CDH23: variants seen among roughly 807,000 people sequenced by gnomAD.
The protein encoded by CDH23 is cadherin-23.
A neutral mutation model predicts 317.1 loss-of-function variants in CDH23; 189 were observed. The ratio of observed to expected loss-of-function variants is 0.60; its 90% CI spans 0.53 to 0.67. The LOEUF (loss-of-function observed/expected upper bound fraction) is 0.67, where lower values mean the gene tolerates loss of function less well. CDH23 is among the 30% of genes least tolerant of loss of function. The pLI is 0.00. For missense variants in CDH23, 4,401 were observed against 4,592.4 expected, an observed-to-expected ratio of 0.96 and a Z score of 1.20; for synonymous variants, 1,839 against 1,876.8, an observed-to-expected ratio of 0.98 and a Z score of 0.52.
intron 1 of CDH23, among the ~76,000 whole-genome samples, chr10:71,402,947 T>G (rs889376457): frequency 4.6e-5 from 7 of 151,994 alleles, no homozygotes; most frequent in African/African-American, 1.7e-4. Context: ...AAACCACGTC[T>G]CTACTAAAAA....
intron 3 of CDH23, among the ~76,000 whole-genome samples, chr10:71,461,357 T>C (rs189806253): frequency 6.6e-6 from 1 of 152,358 alleles, no homozygotes; most frequent in East Asian, 1.9e-4. Flanking sequence ...GGGCCAGTTC[T>C]ATGGGTGATG....
intron 63 of CDH23, 27 bp from the exon 64 acceptor site, chr10:71,811,484 G>A (rs745658571): frequency 1.1e-5 from 17 of 1,613,770 alleles, no homozygotes; most frequent in Admixed American, 6.7e-5. Context: ...CCCACTGCCC[G>A]GGCTTACCCT....
intron 9 of CDH23, among the ~76,000 whole-genome samples, chr10:71,603,053 G>A (rs949311266): frequency 8.5e-5 from 13 of 152,128 alleles, no homozygotes; most frequent in African/African-American, 2.7e-4. Context: ...TACCTGGTAC[G>A]GACAGGCCCA....
rs1847559041 is a variant in CDH23, at chr10:71,397,242, G to A, written c.-82G>A. The A allele has an allele frequency of 4.9e-6, 1 of 204,576 alleles. No homozygotes were observed. 12.7% of individuals were successfully genotyped at this position (204,576 alleles called of 1,614,324 possible). On this transcript the variant is annotated 5_prime_UTR_variant, in exon 1 of 70. Transcript: ENST00000224721. This position sits in a 1 kb window ranked among gnomAD's most constrained non-coding sequence, Gnocchi z 4.8. ...GGCGGTGGCCAGGGCCAGAGCAGGC[G>A]GCCCGCGGGGGCCGATCCGGCGGAG...
intron 1 of CDH23, among the ~76,000 whole-genome samples, chr10:71,418,129 A>T (rs1204371608): frequency 1.3e-5 from 2 of 152,128 alleles, no homozygotes; most frequent in African/African-American, 4.8e-5. Flanking sequence ...TATAATTTTT[A>T]AGCCCATATT....
Position 71,577,596 on chromosome 10 carries a change from G to A in CDH23, c.754-318G>A, listed in dbSNP as rs561719460. Among the ~76,000 whole-genome samples the A allele has an allele frequency of 3.3e-5, 5 of 152,334 alleles. No homozygotes were observed. The East Asian group carries it at 9.6e-4, about 29-fold the overall frequency. ...CAACGTGATGGGTGGTTGAGCTTGA[G>A]ACCAGATCTCTTGTCTCTTCGCTGG... is the stretch of plus-strand genomic sequence containing the variant. On this transcript the variant is annotated intron_variant, in intron 8 of 69. Transcript: ENST00000224721.
chr10:71,526,288 T>G (rs1855034322), intron 6 of CDH23, among the ~76,000 whole-genome samples: 1 of 152,218 alleles, frequency 6.6e-6, no homozygotes, highest in African/African-American at 2.4e-5. Flanking sequence ...GTCCCACCCC[T>G]ACACTTGCCC....
intron 29 of CDH23, 23 bp downstream of exon 29, chr10:71,724,128 G>A (rs1238296415): frequency 6.4e-7 from 1 of 1,552,608 alleles, no homozygotes; most frequent in Non-Finnish European, 8.7e-7. Context: ...GCCCTAGGAT[G>A]GGGGGCGGTC....
chr10:71,524,815 T>C (rs538282661), intron 6 of CDH23, among the ~76,000 whole-genome samples: 35 of 152,296 alleles, frequency 2.3e-4, no homozygotes, highest in Non-Finnish European at 3.8e-4. Flanking sequence ...AGCCAAAGAA[T>C]GTGGGTGTCC....
At chr10:71,734,620 C>T (rs753564544) in intron 33 of CDH23, 36 bp from the exon 34 acceptor site, 3 of 1,549,424 alleles carry the variant, frequency 1.9e-6, no homozygotes, top group East Asian at 5.1e-5. Flanking sequence ...TTTGCCTTTT[C>T]TCTCACTCCC....
At chr10:71,684,393 G>A (rs1387985673) in intron 18 of CDH23, among the ~76,000 whole-genome samples, 2 of 152,168 alleles carry the variant, frequency 1.3e-5, no homozygotes, top group Non-Finnish European at 2.9e-5. Flanking sequence ...TCTGTGCTGG[G>A]CCCCCAGTAG....
At chr10:71,789,784 C>A (rs1319802195) in intron 45 of CDH23, among the ~76,000 whole-genome samples, 1 of 152,240 alleles carries the variant, frequency 6.6e-6, no homozygotes, top group Non-Finnish European at 1.5e-5. Context: ...CAGAGGCACA[C>A]GAGTGCACAA....
At chr10:71,801,946 G>A (rs530162243) in intron 53 of CDH23, among the ~76,000 whole-genome samples, 3 of 152,362 alleles carry the variant, frequency 2.0e-5, no homozygotes, top group Admixed American at 1.3e-4. Flanking sequence ...AAAGGAGGGT[G>A]CAGATGTGCA....
At chr10:71,760,175 ATG>A (rs772295364) in intron 38 of CDH23, among the ~76,000 whole-genome samples, 7,586 of 16,420 alleles carry the variant, frequency 0.46, 3,084 homozygotes, top group Non-Finnish European at 0.61. Context: ...ATACATATAT[ATG>A]TGTGTATATA....
chr10:71,774,978 T>C (rs997144554), intron 38 of CDH23, among the ~76,000 whole-genome samples: 11 of 152,138 alleles, frequency 7.2e-5, no homozygotes, highest in African/African-American at 2.7e-4. Flanking sequence ...TGAGGCATCA[T>C]GTTATTACTA....
chr10:71,698,708 A>G (rs1865480738), intron 22 of CDH23, among the ~76,000 whole-genome samples: 1 of 152,192 alleles, frequency 6.6e-6, no homozygotes. Flanking sequence ...GCTGTCTTAG[A>G]GAGGCCCTGC....
chr10:71,708,552 C>T lies in CDH23; in HGVS notation c.3107-546C>T, dbSNP rs139128919. On this transcript the variant is annotated intron_variant, in intron 26 of 69. Coordinates refer to ENST00000224721, the MANE Select transcript of CDH23 (RefSeq NM_022124.6). ...CTCAGTAATCCCTGTCTCCTGTACA[C>T]CTGCCTTGACTCCTCCCTCTGTGGA... 1.0e-3 allele frequency among the ~76,000 whole-genome samples: 152 copies of T among 152,350 alleles called. 1 individual carries two copies. Among genetic ancestry groups the T allele is most frequent in the African/African-American group, 3.4e-3 (141 of 41,588 alleles).
At chr10:71,803,469 G>C (rs1371660970) in intron 55 of CDH23, 49 bp downstream of exon 55, 2 of 1,513,936 alleles carry the variant, frequency 1.3e-6, no homozygotes, top group Non-Finnish European at 1.8e-6. Flanking sequence ...CCTTCTTCCA[G>C]CTGTGGCCTA....
intron 17 of CDH23, among the ~76,000 whole-genome samples, chr10:71,681,538 C>G (rs1420784003): frequency 6.6e-6 from 1 of 152,200 alleles, no homozygotes; most frequent in East Asian, 1.9e-4. Context: ...GTCTGCAGCA[C>G]CTAACCCCGA....
Sources: allele counts gnomAD v4.1 joint callset (sites outside exome capture counted in the v4.1 genomes callset), GRCh38; gene constraint gnomAD v4.1.1; non-coding constraint Gnocchi (gnomAD v3.1); transcripts MANE v1.5; gene names NCBI Gene and HGNC (gene_info 2026-07-23, HGNC 2026-07-21).